The following TRPC6 variants were observed in gnomAD, a reference collection of about 807,000 sequenced individuals.
TRPC6 encodes the protein short transient receptor potential channel 6.
In TRPC6, 55 loss-of-function variants were observed where a neutral mutation model predicts 90.7. The observed-to-expected ratio is 0.61, with a 90% CI of 0.49 to 0.76. TRPC6 has a LOEUF of 0.76. Ranked by LOEUF, TRPC6 falls within the 30% of genes least tolerant of loss-of-function variation. The probability of loss-of-function intolerance (pLI) is 0.00; values close to 1 mark genes in which losing one functional copy is unlikely to be tolerated. For missense variants in TRPC6, 989 were observed against 1,122.7 expected (o/e 0.88, Z 1.70); for synonymous variants, 393 against 393.0 (o/e 1.00, Z 0.00).
intron 4 of TRPC6, 121 bp from the exon 5 acceptor site, chr11:101,483,286 A>C (rs1014329160): frequency 8.5e-7 from 1 of 1,181,720 alleles, no homozygotes; most frequent in African/African-American, 1.5e-5. Flanking sequence ...ATAATTGTTT[A>C]TATTTATGTA....
At chr11:101,570,783 C>T (rs1861945651) in intron 1 of TRPC6, among the ~76,000 whole-genome samples, 1 of 152,264 alleles carries the variant, frequency 6.6e-6, no homozygotes, top group African/African-American at 2.4e-5. Flanking sequence ...ATGTGATGAT[C>T]TCAATAGATG....
chr11:101,472,061 A>AT, intron 8 of TRPC6, 76 bp downstream of exon 8: 3 of 1,397,740 alleles, frequency 2.1e-6, no homozygotes. Context: ...CCATGCTTTC[A>AT]TCCCCATTGC....
intron 5 of TRPC6, among the ~76,000 whole-genome samples, chr11:101,478,917 C>CTGTT (rs2136683357): frequency 6.6e-6 from 1 of 152,118 alleles, no homozygotes; most frequent in African/African-American, 2.4e-5. Context: ...CTCATTAAAT[C>CTGTT]TGTTTTTCTC....
chr11:101,458,536 A>G (rs1858934852), intron 10 of TRPC6, among the ~76,000 whole-genome samples: 1 of 152,184 alleles, frequency 6.6e-6, no homozygotes, highest in Non-Finnish European at 1.5e-5. Context: ...AATTTATGCT[A>G]TCCTTTCAGA....
At chr11:101,531,194 C>T (rs1408351918) in intron 1 of TRPC6, among the ~76,000 whole-genome samples, 5 of 152,118 alleles carry the variant, frequency 3.3e-5, no homozygotes, top group South Asian at 4.2e-4. Context: ...ATCATCATGT[C>T]GTATACCTTG....
intron 1 of TRPC6, among the ~76,000 whole-genome samples, chr11:101,558,980 G>A (rs1203490063): frequency 1.3e-5 from 2 of 151,900 alleles, no homozygotes; most frequent in African/African-American, 2.4e-5. Context: ...TTGGATTTAA[G>A]CCCAAAAGTG....
intron 2 of TRPC6, among the ~76,000 whole-genome samples, chr11:101,493,025 G>A (rs887623737): frequency 3.9e-5 from 6 of 152,236 alleles, no homozygotes; most frequent in East Asian, 1.9e-4. Context: ...TCAGATTACC[G>A]TAAACTCATG....
chr11:101,554,507 T>C (rs11224850), intron 1 of TRPC6, among the ~76,000 whole-genome samples: 15,619 of 152,014 alleles, frequency 0.1, 911 homozygotes, highest in Middle Eastern at 0.14. Context: ...GTATAAAACA[T>C]ATATATAAAT....
At chr11:101,487,561 T>G (rs1207994787) in intron 4 of TRPC6, among the ~76,000 whole-genome samples, 2 of 151,762 alleles carry the variant, frequency 1.3e-5, no homozygotes, top group African/African-American at 2.4e-5. Flanking sequence ...GTCTCCAATG[T>G]CTATCATTCC....
intron 1 of TRPC6, among the ~76,000 whole-genome samples, chr11:101,545,729 A>G (rs1352781463): frequency 6.6e-6 from 1 of 152,134 alleles, no homozygotes; most frequent in Non-Finnish European, 1.5e-5. Context: ...TATTTCTTAA[A>G]ATAATTTTTA....
rs144468088 is a variant in TRPC6 at position 101,471,085 on chromosome 11, T to C, written c.2409+98A>G. 75 of 1,164,792 alleles carry C rather than the reference T, an allele frequency of 6.4e-5. 1 individual carries two copies. In the African/African-American group the frequency reaches 1.0e-3, roughly 16 times the overall value. 72.2% of individuals were successfully genotyped at this position (1,164,792 alleles called of 1,614,324 possible). A position where few individuals can be genotyped will look rare whatever the true frequency, so the allele number is the denominator to read the frequency against. ...GACTGCATATGGGAATGAATGGATG[T>C]GTCATCAGGAACTGCTTCTCTTTAA... On this transcript the variant is annotated intron_variant, in intron 9 of 12. Coordinates refer to ENST00000344327, the MANE Select transcript of TRPC6 (RefSeq NM_004621.6).
At chr11:101,502,714 CCT>C (rs1860159284) in intron 2 of TRPC6, among the ~76,000 whole-genome samples, 1 of 151,978 alleles carries the variant, frequency 6.6e-6, no homozygotes, top group African/African-American at 2.4e-5. Context: ...CTTGTCTTGC[CCT>C]GTTAGCTGCC....
At chr11:101,522,333 T>C (rs1464392459) in intron 1 of TRPC6, among the ~76,000 whole-genome samples, 1 of 152,210 alleles carries the variant, frequency 6.6e-6, no homozygotes, top group Non-Finnish European at 1.5e-5. Flanking sequence ...CCTCCTTCTC[T>C]GGTCATGTAA....
chr11:101,452,809 C>A lies in TRPC6; in HGVS notation c.*146G>T. On this transcript the variant is annotated 3_prime_UTR_variant, in exon 13 of 13. Transcript: ENST00000344327. ...GTTTAATCACCAAAAAAATTAGATA[C>A]TAGGGCTCCAGATGATAGGATGGCC... is the stretch of plus-strand genomic sequence containing the variant. 4.5e-6 allele frequency: 4 copies of A among 882,038 alleles called. No individual in the cohort carries two copies. The highest frequency in any genetic ancestry group is 7.0e-6 in the Non-Finnish European group (4 of 568,206). The allele number at this position is 882,038 out of a possible 1,614,324, so 54.6% of individuals were successfully genotyped here.
intron 2 of TRPC6, among the ~76,000 whole-genome samples, chr11:101,498,062 A>G (rs1016260489): frequency 2.6e-5 from 4 of 152,186 alleles, no homozygotes; most frequent in Non-Finnish European, 5.9e-5. Context: ...TGTGGACAAG[A>G]CCATCCCTGG....
At chr11:101,485,589 T>TTA (rs1555000125) in intron 4 of TRPC6, among the ~76,000 whole-genome samples, 5 of 151,432 alleles carry the variant, frequency 3.3e-5, no homozygotes, top group African/African-American at 4.9e-5. Flanking sequence ...TTTTTTTTTT[T>TTA]AATTCTCAAT....
chr11:101,501,972 T>G (rs2136734838), intron 2 of TRPC6, among the ~76,000 whole-genome samples: 1 of 152,330 alleles, frequency 6.6e-6, no homozygotes, highest in Non-Finnish European at 1.5e-5. Flanking sequence ...TTCTTTGCCT[T>G]GAAACCTTCA....
chr11:101,511,514 C>T (rs903347558), intron 1 of TRPC6, among the ~76,000 whole-genome samples: 1 of 151,906 alleles, frequency 6.6e-6, no homozygotes, highest in Non-Finnish European at 1.5e-5. Flanking sequence ...CAACCCTACA[C>T]AGAAAAAAAG....
At chr11:101,561,339 A>G (rs1045604316) in intron 1 of TRPC6, among the ~76,000 whole-genome samples, 2 of 152,200 alleles carry the variant, frequency 1.3e-5, no homozygotes, top group African/African-American at 4.8e-5. Context: ...ACTATAAGCT[A>G]AAAGAGCAAG....
Sources: gnomAD v4.1 joint callset for allele counts (sites outside exome capture counted in the v4.1 genomes callset) on GRCh38, gnomAD v4.1.1 for gene constraint, MANE v1.5 for transcripts, NCBI Gene and HGNC (gene_info 2026-07-23, HGNC 2026-07-21) for gene names.